Variants in PRRC2B observed in about 807,000 individuals in gnomAD.
PRRC2B encodes the protein proline rich coiled-coil 2B.
A neutral mutation model predicts 242.3 loss-of-function variants in PRRC2B; 68 were observed. That is an observed-to-expected ratio of 0.28 (90% CI 0.23 to 0.34). The LOEUF (loss-of-function observed/expected upper bound fraction) is 0.34, where lower values mean the gene tolerates loss of function less well. Among genes scored for constraint, PRRC2B ranks in the 10% least tolerant of loss-of-function variants. The pLI is 1.00. For missense variants in PRRC2B, 2,835 were observed against 2,954.8 expected, an observed-to-expected ratio of 0.96 and a Z score of 0.94; for synonymous variants, 1,228 against 1,173.6, an observed-to-expected ratio of 1.05 and a Z score of -0.95.
chr9:131,459,354 C>A lies in PRRC2B; in HGVS notation c.1402C>A (p.Gln468Lys). 6.2e-7 allele frequency: 1 copy of A among 1,612,030 alleles called. No individual in the cohort carries two copies. Residue 468 changes from glutamine (Q) to lysine (K), a missense_variant and splice_region_variant, in exon 11 of 32, where the codon CAG becomes AAG. Physicochemically the swap from Gln to Lys is moderately conservative, Grantham distance 53. Coordinates refer to ENST00000683519, the MANE Select transcript of PRRC2B (RefSeq NM_013318.4). ...TGGCTGGGCACCAGGCCCTGACTAC[C>A]AGGTACCAAGGGCCCTTGGCTGTCC... ...LHGWAPGPDY[Q>K]KSSMGSMFRQ...
At chr9:131,451,818 A>C (rs1251922036) in intron 9 of PRRC2B, among the ~76,000 whole-genome samples, 1 of 151,196 alleles carries the variant, frequency 6.6e-6, no homozygotes, top group Non-Finnish European at 1.5e-5. Flanking sequence ...GATTTCCTAC[A>C]TCTGTGTTCA....
chr9:131,409,725 C>T (rs1347813107), intron 1 of PRRC2B, among the ~76,000 whole-genome samples: 1 of 152,134 alleles, frequency 6.6e-6, no homozygotes, highest in African/African-American at 2.4e-5. Context: ...CACCCTGGCT[C>T]CTGGTATTGG....
At chr9:131,434,512 A>T (rs922168083) in intron 3 of PRRC2B, among the ~76,000 whole-genome samples, 1 of 152,258 alleles carries the variant, frequency 6.6e-6, no homozygotes, top group Non-Finnish European at 1.5e-5. Context: ...TGGGCCCACA[A>T]CGTGGGGACT....
chr9:131,393,512 A>G (rs972549444), upstream of PRRC2B, among the ~76,000 whole-genome samples: 1 of 152,268 alleles, frequency 6.6e-6, no homozygotes, highest in South Asian at 2.1e-4. Context: ...AAAATGGGAC[A>G]AAGTACCCAT....
chr9:131,470,014 G>A (rs10793871), intron 13 of PRRC2B, among the ~76,000 whole-genome samples: 112,472 of 151,946 alleles, frequency 0.74, 42,726 homozygotes, highest in East Asian at 0.93. Flanking sequence ...GTTACGACAG[G>A]CTTTCTAGAG....
At chr9:131,477,648 A>G in intron 16 of PRRC2B, 96 bp from the exon 17 acceptor site, 1 of 730,572 alleles carries the variant, frequency 1.4e-6, no homozygotes, top group South Asian at 1.7e-5. Context: ...AAGTGGGCCT[A>G]GATCAGGGTG....
Position 131,476,281 on chromosome 9 carries a change from C to CGAGCGGCGG in PRRC2B, c.4164_4172dup (p.Arg1389_Glu1391dup), listed in dbSNP as rs758189915. The CGAGCGGCGG allele has an allele frequency of 6.0e-5, 97 of 1,607,708 alleles. No homozygotes were observed. Among genetic ancestry groups the CGAGCGGCGG allele is most frequent in the African/African-American group, 9.3e-5 (7 of 74,936 alleles). ...CGGCCTCCGAAAGCAGCGACTTCAG[C>CGAGCGGCGG]GAGCGGCGGGAGCGGCGGGAAGGCC... On this transcript the variant is annotated inframe_insertion, in exon 16 of 32. Coordinates refer to ENST00000683519, the MANE Select transcript of PRRC2B (RefSeq NM_013318.4).
intron 25 of PRRC2B, among the ~76,000 whole-genome samples, chr9:131,485,456 G>C (rs1943992478): frequency 1.3e-5 from 2 of 152,196 alleles, no homozygotes; most frequent in Admixed American, 6.5e-5. Flanking sequence ...CTGGTGAGCA[G>C]CTCTTGCCGA....
At chr9:131,431,207 T>C (rs1838157705) in intron 2 of PRRC2B, among the ~76,000 whole-genome samples, 2 of 152,090 alleles carry the variant, frequency 1.3e-5, no homozygotes, top group African/African-American at 2.4e-5. Flanking sequence ...CTTGGCTCAC[T>C]GTAAGCTCTG....
intron 10 of PRRC2B, 28 bp from the exon 11 acceptor site, chr9:131,459,136 A>G (rs879076255): frequency 1.2e-6 from 2 of 1,603,080 alleles, no homozygotes; most frequent in East Asian, 2.2e-5. Flanking sequence ...GAGTGCAAAA[A>G]CTTAACATCA....
At chr9:131,392,593 A>G (rs1836920253), upstream of PRRC2B, among the ~76,000 whole-genome samples, 1 of 152,204 alleles carries the variant, frequency 6.6e-6, no homozygotes, top group South Asian at 2.1e-4. Context: ...ATAGCGAAAT[A>G]TTGAAGACAT....
At chr9:131,484,033 T>C (rs939855423) in intron 23 of PRRC2B, among the ~76,000 whole-genome samples, 1 of 152,132 alleles carries the variant, frequency 6.6e-6, no homozygotes, top group Non-Finnish European at 1.5e-5. Context: ...GGAATGTGAG[T>C]GCTGTACAAT....
intron 16 of PRRC2B, 75 bp from the exon 17 acceptor site, chr9:131,477,669 G>T: frequency 1.1e-6 from 1 of 888,998 alleles, no homozygotes; most frequent in Non-Finnish European, 1.8e-6. Context: ...CCGGGCTTGT[G>T]TGCAGGCTGT....
At chr9:131,399,861 T>A (rs925512181) in intron 1 of PRRC2B, among the ~76,000 whole-genome samples, 1 of 152,194 alleles carries the variant, frequency 6.6e-6, no homozygotes, top group Non-Finnish European at 1.5e-5. Context: ...CCTGTATTCG[T>A]AGACATTTAG....
intron 1 of PRRC2B, among the ~76,000 whole-genome samples, chr9:131,420,454 T>TTCTTTCTTTCTTTCTTTCC (rs1837778374): frequency 0.022 from 178 of 8,026 alleles, 11 homozygotes; most frequent in African/African-American, 0.031. Flanking sequence ...TCTTTTTCTT[T>TTCTTTCTTTCTTTCTTTCC]TTCTTTCTTT....
At chr9:131,405,019 G>A (rs1056876304) in intron 1 of PRRC2B, among the ~76,000 whole-genome samples, 2 of 152,228 alleles carry the variant, frequency 1.3e-5, no homozygotes, top group Non-Finnish European at 2.9e-5. Context: ...GCTTATATGT[G>A]TGAGCGTATG....
intron 1 of PRRC2B, among the ~76,000 whole-genome samples, chr9:131,429,859 G>A (rs1180476814): frequency 6.6e-6 from 1 of 152,008 alleles, no homozygotes; most frequent in Admixed American, 6.6e-5. Context: ...GGGGTTGGGG[G>A]GGTACTCCAC....
intron 28 of PRRC2B, among the ~76,000 whole-genome samples, chr9:131,488,625 C>T (rs1221315674): frequency 6.6e-6 from 1 of 152,192 alleles, no homozygotes; most frequent in African/African-American, 2.4e-5. Flanking sequence ...TCCTGCAGCC[C>T]CCAGACGGGG....
Position 131,484,735 on chromosome 9 carries a change from A to G in PRRC2B, c.5510A>G (p.Gln1837Arg). 6.2e-7 allele frequency: 1 copy of G among 1,613,054 alleles called. No homozygotes were observed. Among genetic ancestry groups the G allele is most frequent in the Non-Finnish European group, 8.5e-7 (1 of 1,179,442 alleles). The part of the protein sequence containing the change: ...IPILRRDHHI[Q>R]RAIGLSPMSF... ...ATCCTGCGGCGGGACCATCACATCC[A>G]GAGGGCCATCGGTCTCTCCCCAATG... Residue 1837 changes from glutamine to arginine, a missense_variant, in exon 24 of 32, where the codon CAG becomes CGG. This residue lies in a region of PRRC2B where 574 missense variants were observed against 626.0 expected (regional missense o/e 0.92). Coordinates refer to ENST00000683519, the MANE Select transcript of PRRC2B (RefSeq NM_013318.4).
Sources: allele counts gnomAD v4.1 joint callset (sites outside exome capture counted in the v4.1 genomes callset), GRCh38; gene constraint gnomAD v4.1.1; regional missense constraint gnomAD v4.1.1; transcripts MANE v1.5; gene names NCBI Gene and HGNC (gene_info 2026-07-23, HGNC 2026-07-21).